PPARGC1A: variants seen among roughly 807,000 people sequenced by gnomAD.
PPARGC1A encodes the protein peroxisome proliferator-activated receptor gamma coactivator 1-alpha.
In PPARGC1A, 25 loss-of-function variants were observed where a neutral mutation model predicts 88.7. The ratio of observed to expected loss-of-function variants is 0.28; its 90% CI spans 0.21 to 0.39. The LOEUF (loss-of-function observed/expected upper bound fraction) is 0.39, where lower values mean the gene tolerates loss of function less well. Ranked by LOEUF, PPARGC1A falls within the 10% of genes least tolerant of loss-of-function variation. The pLI, the probability that PPARGC1A is intolerant of heterozygous loss-of-function variation, is 1.00. For synonymous variants in PPARGC1A, 363 were observed against 355.6 expected, an observed-to-expected ratio of 1.02 and a Z score of -0.24; for missense variants, 880 against 968.7, an observed-to-expected ratio of 0.91 and a Z score of 1.22.
At chr4:24,150,820 T>A in the PPARGC1A span, among the ~76,000 whole-genome samples, 2 of 152,114 alleles carry the variant, frequency 1.3e-5, no homozygotes, top group African/African-American at 2.4e-5. Context: ...GGTTCCAAAA[T>A]CCATTCTCTT....
At position 23,794,504 on chromosome 4, in the gene PPARGC1A, G is replaced by A. The variant is rs977302162; in HGVS notation, c.*1318C>T. ...CATTTTGCTCTTGTTGCACTCAACA[G>A]ACACACACACTGTCTTTTTGTTTTT... On this transcript the variant is annotated 3_prime_UTR_variant, in exon 13 of 13. Transcript: ENST00000264867. 1 of 152,446 alleles carries A rather than the reference G, an allele frequency of 6.6e-6. No individual in the cohort carries two copies. Among genetic ancestry groups the A allele is most frequent in the Non-Finnish European group, 1.5e-5 (1 of 68,010 alleles). The allele number at this position is 152,446 out of a possible 1,614,324, so 9.4% of individuals were successfully genotyped here. A position where few individuals can be genotyped will look rare whatever the true frequency, so the allele number is the denominator to read the frequency against.
At chr4:23,837,826 A>G (rs1352608398) in intron 2 of PPARGC1A, among the ~76,000 whole-genome samples, 1 of 152,210 alleles carries the variant, frequency 6.6e-6, no homozygotes. Context: ...AATAAGAAAT[A>G]CAGTGGGTCA....
At chr4:23,861,285 C>T (rs1449192087) in intron 2 of PPARGC1A, among the ~76,000 whole-genome samples, 2 of 152,228 alleles carry the variant, frequency 1.3e-5, no homozygotes, top group Non-Finnish European at 2.9e-5. Flanking sequence ...AGTGGAATTA[C>T]TGACGTATCT....
chr4:23,914,435 G>T, the PPARGC1A span, among the ~76,000 whole-genome samples: 1 of 152,136 alleles, frequency 6.6e-6, no homozygotes, highest in Non-Finnish European at 1.5e-5. Context: ...ATTAGTGGAG[G>T]AAACAGACAG....
the PPARGC1A span, among the ~76,000 whole-genome samples, chr4:24,071,676 G>A: frequency 6.6e-6 from 1 of 152,066 alleles, no homozygotes; most frequent in Non-Finnish European, 1.5e-5. Flanking sequence ...GCACTATTCA[G>A]GATGTGCCTG....
chr4:24,322,703 G>C, the PPARGC1A span, among the ~76,000 whole-genome samples: 72 of 152,316 alleles, frequency 4.7e-4, no homozygotes, highest in East Asian at 3.3e-3. Context: ...GCTGGCAGTG[G>C]TGGGAGTGTT....
intron 1 of PPARGC1A, among the ~76,000 whole-genome samples, chr4:23,899,088 C>G (rs898608712): frequency 6.6e-6 from 1 of 152,026 alleles, no homozygotes; most frequent in Non-Finnish European, 1.5e-5. Flanking sequence ...GATCCACCCC[C>G]CCCCGGCCTT....
the PPARGC1A span, among the ~76,000 whole-genome samples, chr4:24,308,696 TA>T: frequency 6.6e-6 from 1 of 152,156 alleles, no homozygotes; most frequent in Non-Finnish European, 1.5e-5. Context: ...TGCCTTGCTT[TA>T]AATGGAACAA....
chr4:23,938,667 G>C, the PPARGC1A span, among the ~76,000 whole-genome samples: 3 of 152,334 alleles, frequency 2.0e-5, no homozygotes, highest in African/African-American at 7.2e-5. Flanking sequence ...ACCAAATGGA[G>C]TGGTAGCACC....
chr4:24,273,831 A>C, the PPARGC1A span, among the ~76,000 whole-genome samples: 7 of 150,142 alleles, frequency 4.7e-5, no homozygotes, highest in Non-Finnish European at 7.4e-5. Context: ...TCCAGGTTGA[A>C]GCGATTCTCC....
At chr4:24,392,327 A>G in the PPARGC1A span, among the ~76,000 whole-genome samples, 1 of 152,254 alleles carries the variant, frequency 6.6e-6, no homozygotes, top group African/African-American at 2.4e-5. Flanking sequence ...TTGGAGTACA[A>G]TTAAACTATC....
At chr4:23,824,236 T>C (rs1723513463) in intron 7 of PPARGC1A, 44 bp downstream of exon 7, 3 of 1,510,662 alleles carry the variant, frequency 2.0e-6, no homozygotes, top group Non-Finnish European at 2.8e-6. Context: ...CACACACATA[T>C]ACAGACAGAC....
At chr4:24,349,737 C>T in the PPARGC1A span, among the ~76,000 whole-genome samples, 914 of 152,264 alleles carry the variant, frequency 6.0e-3, 1 homozygote, top group Non-Finnish European at 9.2e-3. Flanking sequence ...CTCCCAACTG[C>T]GAGAGAAAAG....
At chr4:24,457,740 T>G in the PPARGC1A span, among the ~76,000 whole-genome samples, 1 of 152,032 alleles carries the variant, frequency 6.6e-6, no homozygotes, top group Non-Finnish European at 1.5e-5. Context: ...ATTTATTTAT[T>G]TTTTAGTAGA....
chr4:23,966,723 A>G, the PPARGC1A span, among the ~76,000 whole-genome samples: 3 of 152,220 alleles, frequency 2.0e-5, no homozygotes, highest in Admixed American at 6.5e-5. Context: ...ATTTGAACCC[A>G]GGTCTGTCTA....
chr4:24,229,180 G>GTTTTT, the PPARGC1A span, among the ~76,000 whole-genome samples: 1 of 28,414 alleles, frequency 3.5e-5, no homozygotes, highest in Non-Finnish European at 8.6e-5. Context: ...TTGAGATGGA[G>GTTTTT]TCTTGTTCTG....
chr4:24,163,860 G>A, the PPARGC1A span, among the ~76,000 whole-genome samples: 1 of 152,152 alleles, frequency 6.6e-6, no homozygotes, highest in African/African-American at 2.4e-5. Flanking sequence ...AGCCCATAGG[G>A]AGCTTTTTCC....
At chr4:24,423,614 G>A in the PPARGC1A span, among the ~76,000 whole-genome samples, 1 of 152,178 alleles carries the variant, frequency 6.6e-6, no homozygotes, top group African/African-American at 2.4e-5. Flanking sequence ...AAAAGTTTGA[G>A]TTGAGTTTTT....
intron 2 of PPARGC1A, among the ~76,000 whole-genome samples, chr4:23,834,980 CA>C (rs1246130455): frequency 6.6e-6 from 1 of 152,182 alleles, no homozygotes; most frequent in African/African-American, 2.4e-5. Context: ...CATGCACACA[CA>C]GACACATATA....
Sources: allele counts gnomAD v4.1 joint callset (sites outside exome capture counted in the v4.1 genomes callset), GRCh38; gene constraint gnomAD v4.1.1; transcripts MANE v1.5; gene names NCBI Gene and HGNC (gene_info 2026-07-23, HGNC 2026-07-21).